MLLT3: variants seen among roughly 807,000 people sequenced by gnomAD.
The protein encoded by MLLT3 is protein AF-9.
Under a neutral mutation model 53.2 loss-of-function variants are expected in MLLT3, and 4 were observed. That is an observed-to-expected ratio of 0.08 (90% confidence interval 0.04 to 0.17). The LOEUF (loss-of-function observed/expected upper bound fraction) is 0.17. Among genes scored for constraint, MLLT3 ranks in the 10% least tolerant of loss-of-function variants. MLLT3 has a pLI of 1.00. For synonymous variants in MLLT3, 283 were observed against 230.6 expected (o/e 1.23, Z -2.06); for missense variants, 569 against 684.0 (o/e 0.83, Z 1.87).
intron 2 of MLLT3, among the ~76,000 whole-genome samples, chr9:20,567,776 T>C (rs1819418177): frequency 6.6e-6 from 1 of 152,152 alleles, no homozygotes; most frequent in Admixed American, 6.6e-5. Flanking sequence ...GGTTTTTGGC[T>C]CAGAGTCAAG....
chr9:20,444,064 C>A (rs1823626266), intron 4 of MLLT3, among the ~76,000 whole-genome samples: 1 of 152,046 alleles, frequency 6.6e-6, no homozygotes, highest in African/African-American at 2.4e-5. Context: ...TTGCCAACAC[C>A]CCAAAGAAAA....
chr9:20,352,183 T>C (rs1404123743), intron 10 of MLLT3, among the ~76,000 whole-genome samples: 6 of 152,226 alleles, frequency 3.9e-5, no homozygotes, highest in Admixed American at 3.9e-4. Flanking sequence ...CTTGACTAAC[T>C]GATAGGGCTT....
chr9:20,460,405 C>T (rs1221360760), intron 2 of MLLT3, among the ~76,000 whole-genome samples: 2 of 152,178 alleles, frequency 1.3e-5, no homozygotes, highest in Non-Finnish European at 2.9e-5. Flanking sequence ...TTTTTAAATT[C>T]TCATGTTCTA....
At chr9:20,352,881 T>C (rs905898697) in intron 10 of MLLT3, among the ~76,000 whole-genome samples, 1 of 151,962 alleles carries the variant, frequency 6.6e-6, no homozygotes, top group Non-Finnish European at 1.5e-5. Context: ...TAAAAAAAAT[T>C]ACCAATAGCT....
chr9:20,459,341 G>A (rs1824051113), intron 2 of MLLT3, among the ~76,000 whole-genome samples: 1 of 152,164 alleles, frequency 6.6e-6, no homozygotes, highest in Non-Finnish European at 1.5e-5. Flanking sequence ...CTTCAGTCTT[G>A]CATTCACTGA....
At chr9:20,366,429 T>G (rs1375002918) in intron 5 of MLLT3, among the ~76,000 whole-genome samples, 112 of 152,368 alleles carry the variant, frequency 7.4e-4, no homozygotes, top group Non-Finnish European at 1.4e-3. Flanking sequence ...CACATGTTCT[T>G]TATCCAGTCT....
chr9:20,581,140 T>C lies in MLLT3; in HGVS notation c.193+39514A>G, dbSNP rs193098806. On this transcript the variant is annotated intron_variant, in intron 2 of 10. Transcript: ENST00000380338. ...GAACCTTTCAAGACCATGTTTCTTTTTGGAGGATAAACTCAATCTGTCTTA... is the reference window on the plus strand; with the variant it reads ...GAACCTTTCAAGACCATGTTTCTTTCTGGAGGATAAACTCAATCTGTCTTA... Among the ~76,000 whole-genome samples the C allele has an allele frequency of 6.2e-3, 945 of 152,316 alleles. 13 individuals are homozygous for C. The highest frequency in any genetic ancestry group is 0.022 in the African/African-American group (914 of 41,564).
At chr9:20,479,277 G>T (rs1824603643) in intron 2 of MLLT3, among the ~76,000 whole-genome samples, 1 of 152,066 alleles carries the variant, frequency 6.6e-6, no homozygotes, top group Non-Finnish European at 1.5e-5. Context: ...TGTTAACTGT[G>T]TACTTGTACC....
At chr9:20,489,687 T>A (rs536558033) in intron 2 of MLLT3, among the ~76,000 whole-genome samples, 1 of 152,192 alleles carries the variant, frequency 6.6e-6, no homozygotes, top group African/African-American at 2.4e-5. Flanking sequence ...AATTCCAACA[T>A]ATCCTGAAAA....
rs1324898341 is a variant in MLLT3, at chr9:20,345,307, A to T, written c.*1136T>A. The T allele has an allele frequency of 4.7e-6, 1 of 212,256 alleles. No individual in the cohort carries two copies. Among genetic ancestry groups the T allele is most frequent in the Non-Finnish European group, 9.5e-6 (1 of 104,778 alleles). 13.1% of individuals were successfully genotyped at this position (212,256 alleles called of 1,614,324 possible). A position where few individuals can be genotyped will look rare whatever the true frequency, so the allele number is the denominator to read the frequency against. ...GAATTTTTCCCCAAAGAAAGATTTTAATTTTTTCAAATATAAAAGTGTCTA... is the reference window on the plus strand; with the variant it reads ...GAATTTTTCCCCAAAGAAAGATTTTTATTTTTTCAAATATAAAAGTGTCTA... On this transcript the variant is annotated 3_prime_UTR_variant, in exon 11 of 11. Coordinates refer to ENST00000380338, the MANE Select transcript of MLLT3 (RefSeq NM_004529.4).
intron 2 of MLLT3, among the ~76,000 whole-genome samples, chr9:20,526,662 C>A (rs1388305254): frequency 6.6e-6 from 1 of 152,178 alleles, no homozygotes; most frequent in Admixed American, 6.5e-5. Flanking sequence ...TGTACCCACA[C>A]ACACATATGC....
chr9:20,350,635 G>A (rs1346954688), intron 10 of MLLT3, among the ~76,000 whole-genome samples: 3 of 151,982 alleles, frequency 2.0e-5, no homozygotes, highest in Admixed American at 6.5e-5. Flanking sequence ...AGGTACATAT[G>A]GGTAGTGGAA....
intron 4 of MLLT3, among the ~76,000 whole-genome samples, chr9:20,419,163 G>A (rs1438059474): frequency 6.6e-6 from 1 of 152,068 alleles, no homozygotes; most frequent in Non-Finnish European, 1.5e-5. Context: ...GGAGAATCAA[G>A]TGAAGTATAA....
At chr9:20,497,312 ATATT>A (rs1204077190) in intron 2 of MLLT3, among the ~76,000 whole-genome samples, 1 of 152,232 alleles carries the variant, frequency 6.6e-6, no homozygotes, top group African/African-American at 2.4e-5. Context: ...TAAAAATCAC[ATATT>A]TAAAGTAATA....
At chr9:20,549,758 C>T (rs1223621463) in intron 2 of MLLT3, among the ~76,000 whole-genome samples, 1 of 152,158 alleles carries the variant, frequency 6.6e-6, no homozygotes, top group Non-Finnish European at 1.5e-5. Context: ...ACCTTTTAAT[C>T]CCACCCTGAC....
rs139611718 is a variant in MLLT3 at position 20,466,638 on chromosome 9, T to A, written c.194-9852A>T. The stretch of plus-strand genomic sequence containing the variant: ...GGATAAAGAACAGCTTTTATTCAAC[T>A]CTGCAGGTCAACTTTTACAAAATAC... On this transcript the variant is annotated intron_variant, in intron 2 of 10. Transcript: ENST00000380338. Among the ~76,000 whole-genome samples the A allele has an allele frequency of 2.9e-3, 439 of 152,336 alleles. 1 individual carries two copies. Among genetic ancestry groups the A allele is most frequent in the African/African-American group, 9.7e-3 (404 of 41,572 alleles).
At chr9:20,550,125 C>T (rs1818891097) in intron 2 of MLLT3, among the ~76,000 whole-genome samples, 1 of 152,190 alleles carries the variant, frequency 6.6e-6, no homozygotes. Context: ...CTCACAATCC[C>T]ATCTTAGACA....
chr9:20,472,807 C>G (rs1386938936), intron 2 of MLLT3, among the ~76,000 whole-genome samples: 1 of 151,794 alleles, frequency 6.6e-6, no homozygotes, highest in African/African-American at 2.4e-5. Flanking sequence ...AATGTAATTG[C>G]AATTCAATCC....
At chr9:20,466,510 G>A (rs777344176) in intron 2 of MLLT3, among the ~76,000 whole-genome samples, 4 of 152,060 alleles carry the variant, frequency 2.6e-5, no homozygotes, top group Non-Finnish European at 5.9e-5. Context: ...ATCAAACATA[G>A]TATCAGTTTA....
Sources: gnomAD v4.1 joint callset for allele counts (sites outside exome capture counted in the v4.1 genomes callset) on GRCh38, gnomAD v4.1.1 for gene constraint, MANE v1.5 for transcripts, NCBI Gene and HGNC (gene_info 2026-07-23, HGNC 2026-07-21) for gene names.